FAM3B: variants seen among roughly 807,000 people sequenced by gnomAD.
The protein encoded by FAM3B is protein FAM3B.
FAM3B carries 29 observed loss-of-function variants against 28.4 expected under a neutral mutation model. That is an observed-to-expected ratio of 1.02 (90% CI 0.76 to 1.39). The LOEUF is 1.39. Among genes scored for constraint, FAM3B ranks in the 40% most tolerant of loss-of-function variants. The probability of loss-of-function intolerance (pLI) is 0.00; values close to 1 mark genes in which losing one functional copy is unlikely to be tolerated. For missense variants in FAM3B, 266 were observed against 293.9 expected (o/e 0.91, Z 0.69); for synonymous variants, 91 against 103.0 (o/e 0.88, Z 0.71).
intron 2 of FAM3B, among the ~76,000 whole-genome samples, chr21:41,332,499 C>T (rs529117515): frequency 6.6e-6 from 1 of 152,076 alleles, no homozygotes. Context: ...TTGTAGTGCC[C>T]TTGTCTGGCT....
At chr21:41,353,261 C>T (rs2089137586) in intron 7 of FAM3B, among the ~76,000 whole-genome samples, 1 of 152,158 alleles carries the variant, frequency 6.6e-6, no homozygotes, top group African/African-American at 2.4e-5. Flanking sequence ...TAACACAATT[C>T]CTACTAGAAT....
chr21:41,344,669 C>G, intron 4 of FAM3B, 135 bp downstream of exon 4: 1 of 644,176 alleles, frequency 1.6e-6, no homozygotes, highest in Admixed American at 2.7e-5. Context: ...AGATTATATA[C>G]TCAATTATTT....
intron 3 of FAM3B, among the ~76,000 whole-genome samples, 187 bp from the exon 4 acceptor site, chr21:41,344,289 T>C (rs932746268): frequency 8.5e-5 from 13 of 152,208 alleles, no homozygotes; most frequent in African/African-American, 2.9e-4. Flanking sequence ...CTGTAGACAC[T>C]GAGAATAGAT....
chr21:41,335,491 G>A (rs1431435127), intron 2 of FAM3B, among the ~76,000 whole-genome samples: 5 of 152,016 alleles, frequency 3.3e-5, no homozygotes, highest in Non-Finnish European at 5.9e-5. Context: ...AGTGTGTGGC[G>A]CCTCCTTCCC....
chr21:41,325,259 T>G (rs1253373330), intron 2 of FAM3B, among the ~76,000 whole-genome samples: 1 of 152,220 alleles, frequency 6.6e-6, no homozygotes, highest in Non-Finnish European at 1.5e-5. Context: ...TGAGCATTGA[T>G]TAGCAGAGAA....
chr21:41,344,034 T>C (rs1031848708), intron 3 of FAM3B, among the ~76,000 whole-genome samples: 2 of 152,270 alleles, frequency 1.3e-5, no homozygotes, highest in Non-Finnish European at 1.5e-5. Flanking sequence ...ATGGAAGGAT[T>C]GCTTGAGCCC....
Position 41,357,162 on chromosome 21 carries a change from C to A in FAM3B, c.673C>A (p.Gln225Lys). 1 of 1,613,468 alleles carries A rather than the reference C, an allele frequency of 6.2e-7. No individual in the cohort carries two copies. The highest frequency in any genetic ancestry group is 2.2e-5 in the East Asian group (1 of 44,848). The change falls in exon 8 of 8, where the codon CAG (glutamine) becomes AAG (lysine). Residue 225 changes from glutamine to lysine, a missense_variant. By Grantham distance (53) the Gln-to-Lys change is moderately conservative (BLOSUM62 1). Coordinates refer to ENST00000357985, the MANE Select transcript of FAM3B (RefSeq NM_058186.4). ...ATATTCTGGCTGGCCTGCAGAGATC[C>A]AGATAGAAGGCTGCATACCCAAAGA... The part of the protein sequence containing the change: ...NRYSGWPAEI[Q>K]IEGCIPKERS
At chr21:41,336,954 A>G (rs995546249) in intron 2 of FAM3B, among the ~76,000 whole-genome samples, 2 of 152,122 alleles carry the variant, frequency 1.3e-5, no homozygotes, top group Non-Finnish European at 2.9e-5. Flanking sequence ...CTTTCAACCT[A>G]TACATTTTTT....
chr21:41,348,796 G>T, intron 7 of FAM3B, 72 bp downstream of exon 7: 1 of 1,562,326 alleles, frequency 6.4e-7, no homozygotes, highest in Non-Finnish European at 8.8e-7. Context: ...AAACGTTCCT[G>T]GTGGGTTATA....
At chr21:41,338,021 C>T (rs1358447775) in intron 2 of FAM3B, among the ~76,000 whole-genome samples, 5 of 151,982 alleles carry the variant, frequency 3.3e-5, no homozygotes, top group African/African-American at 1.2e-4. Context: ...TCTTTGCTCA[C>T]CAGCTCTCTT....
At chr21:41,344,568 A>G (rs758680760) in intron 4 of FAM3B, 34 bp downstream of exon 4, 3 of 1,584,092 alleles carry the variant, frequency 1.9e-6, no homozygotes, top group Non-Finnish European at 2.6e-6. Context: ...AAACTTCTCT[A>G]AAAGCTCTCT....
At chr21:41,315,577 T>A (rs1341683561), upstream of FAM3B, among the ~76,000 whole-genome samples, 1 of 152,098 alleles carries the variant, frequency 6.6e-6, no homozygotes, top group African/African-American at 2.4e-5. Context: ...GGCTTCTTAG[T>A]ATTCTTGCAC....
intron 1 of FAM3B, among the ~76,000 whole-genome samples, chr21:41,305,422 T>G (rs2088678355): frequency 6.6e-6 from 1 of 152,208 alleles, no homozygotes; most frequent in Admixed American, 6.5e-5. Flanking sequence ...TGTTTAGCAG[T>G]CTTGGACTGT....
At chr21:41,328,718 G>A (rs1421199548) in intron 2 of FAM3B, among the ~76,000 whole-genome samples, 3 of 152,214 alleles carry the variant, frequency 2.0e-5, no homozygotes. Flanking sequence ...TTAAAACAGG[G>A]AGTGGGGCTA....
intron 1 of FAM3B, chr21:41,320,973 C>T (rs886680160): frequency 1.3e-5 from 2 of 152,176 alleles, no homozygotes; most frequent in African/African-American, 4.8e-5. Context: ...GTTACACATT[C>T]AAAAGGTAAA....
At chr21:41,346,135 C>T (rs2089057699) in intron 5 of FAM3B, 1 of 176,600 alleles carries the variant, frequency 5.7e-6, no homozygotes. Flanking sequence ...ACTCACAGTG[C>T]TCTGCTGGGC....
chr21:41,325,994 T>C (rs1165301583), intron 2 of FAM3B, among the ~76,000 whole-genome samples: 1 of 152,218 alleles, frequency 6.6e-6, no homozygotes, highest in Non-Finnish European at 1.5e-5. Flanking sequence ...GCTGACTGCA[T>C]CCTAGGGAAT....
At chr21:41,334,735 G>A (rs1252190702) in intron 2 of FAM3B, among the ~76,000 whole-genome samples, 1 of 152,232 alleles carries the variant, frequency 6.6e-6, no homozygotes, top group Non-Finnish European at 1.5e-5. Context: ...GCACTGCCTA[G>A]TGGAGCTGTG....
At chr21:41,354,823 C>G (rs192433357) in intron 7 of FAM3B, among the ~76,000 whole-genome samples, 20 of 115,694 alleles carry the variant, frequency 1.7e-4, no homozygotes, top group Admixed American at 1.5e-3. Context: ...ACATCCTGCA[C>G]GTGTACCCCG....
Sources: allele counts gnomAD v4.1 joint callset (sites outside exome capture counted in the v4.1 genomes callset), GRCh38; gene constraint gnomAD v4.1.1; transcripts MANE v1.5; gene names NCBI Gene and HGNC (gene_info 2026-07-23, HGNC 2026-07-21).